CCDC7: variants seen among roughly 807,000 people sequenced by gnomAD.
CCDC7 encodes coiled-coil domain-containing protein 7.
In CCDC7, 183 loss-of-function variants were observed where a neutral mutation model predicts 196.9. That is an observed-to-expected ratio of 0.93 (90% CI 0.82 to 1.05). The LOEUF (loss-of-function observed/expected upper bound fraction) is 1.05, where lower values mean the gene tolerates loss of function less well. CCDC7 is among the 50% of genes least tolerant of loss of function. CCDC7 has a pLI of 0.00. For missense variants in CCDC7, 1,540 were observed against 1,482.2 expected (o/e 1.04, Z -0.64); for synonymous variants, 525 against 484.6 (o/e 1.08, Z -1.10).
At chr10:32,592,355 T>G (rs1445667889) in intron 18 of CCDC7, among the ~76,000 whole-genome samples, 1 of 152,048 alleles carries the variant, frequency 6.6e-6, no homozygotes, top group African/African-American at 2.4e-5. Context: ...GATCTTACCT[T>G]TATTAATTTT....
chr10:32,561,362 G>T (rs1441215317), intron 13 of CCDC7, among the ~76,000 whole-genome samples: 1 of 151,940 alleles, frequency 6.6e-6, no homozygotes, highest in Non-Finnish European at 1.5e-5. Context: ...TTTCAGCACC[G>T]CACCACACCT....
rs530908118 is a variant in CCDC7, at chr10:32,612,652, CT to C, written c.1802-21598del. Reference sequence around the variant, plus strand: ...AGTGGTGTTGAATTTTATTGAAGACCTTTTCTACATCTATTGAGATAATCGT... The same window carrying C: ...AGTGGTGTTGAATTTTATTGAAGACCTTTCTACATCTATTGAGATAATCGT... On this transcript the variant is annotated intron_variant, in intron 18 of 41. Coordinates refer to ENST00000639629, the Ensembl canonical transcript of CCDC7. 1.2e-3 allele frequency among the ~76,000 whole-genome samples: 177 copies of C among 152,100 alleles called. 1 individual carries two copies. Among genetic ancestry groups the C allele is most frequent in the African/African-American group, 4.0e-3 (167 of 41,490 alleles).
chr10:32,592,846 A>C (rs900565306), intron 18 of CCDC7, among the ~76,000 whole-genome samples: 1 of 152,146 alleles, frequency 6.6e-6, no homozygotes, highest in Non-Finnish European at 1.5e-5. Context: ...GATGGTTTCC[A>C]GCTTCATCCA....
At chr10:32,682,864 G>T (rs1368372578) in intron 21 of CCDC7, among the ~76,000 whole-genome samples, 1 of 152,044 alleles carries the variant, frequency 6.6e-6, no homozygotes, top group Admixed American at 6.6e-5. Flanking sequence ...TTGTTGATTA[G>T]TTTAAATTCC....
At chr10:32,542,392 G>A (rs1033332021) in intron 11 of CCDC7, among the ~76,000 whole-genome samples, 6 of 152,110 alleles carry the variant, frequency 3.9e-5, no homozygotes, top group African/African-American at 1.4e-4. Context: ...CAGCACTTTG[G>A]GAGGCCGAGG....
intron 41 of CCDC7, among the ~76,000 whole-genome samples, chr10:32,869,803 T>TA (rs1383257540): frequency 1.2e-5 from 1 of 81,742 alleles, no homozygotes; most frequent in African/African-American, 2.8e-5. Flanking sequence ...CACCATTTAT[T>TA]AAATAGGGAA....
At chr10:32,596,447 C>T (rs1564775875) in intron 18 of CCDC7, among the ~76,000 whole-genome samples, 1 of 152,020 alleles carries the variant, frequency 6.6e-6, no homozygotes, top group African/African-American at 2.4e-5. Flanking sequence ...TGAGATGGTT[C>T]TCCTGAATAC....
chr10:32,603,089 T>C (rs7093191), intron 18 of CCDC7, among the ~76,000 whole-genome samples: 38,633 of 151,982 alleles, frequency 0.25, 5,337 homozygotes, highest in South Asian at 0.37. Flanking sequence ...CATTAGCTAA[T>C]GTCGCTTCAT....
At chr10:32,489,119 G>A (rs1241782593) in intron 8 of CCDC7, among the ~76,000 whole-genome samples, 1 of 152,170 alleles carries the variant, frequency 6.6e-6, no homozygotes, top group African/African-American at 2.4e-5. Flanking sequence ...TGGTGGGTGT[G>A]CTTCTAGTGA....
At chr10:32,844,461 C>G (rs1055938338) in intron 33 of CCDC7, among the ~76,000 whole-genome samples, 3 of 151,846 alleles carry the variant, frequency 2.0e-5, no homozygotes, top group Non-Finnish European at 4.4e-5. Context: ...ATGAACAAAT[C>G]AAAGTACTTT....
At chr10:32,707,984 A>G (rs2080094908) in intron 24 of CCDC7, among the ~76,000 whole-genome samples, 1 of 152,180 alleles carries the variant, frequency 6.6e-6, no homozygotes. Flanking sequence ...TAAAGTTCAT[A>G]TGAAACCAAA....
intron 18 of CCDC7, among the ~76,000 whole-genome samples, chr10:32,622,289 T>C (rs997846414): frequency 8.5e-5 from 13 of 152,174 alleles, no homozygotes; most frequent in Admixed American, 7.2e-4. Flanking sequence ...TGTCTGGATT[T>C]TTTTTTCTCA....
chr10:32,880,517 T>G (rs933920273), downstream of CCDC7, among the ~76,000 whole-genome samples: 1 of 152,222 alleles, frequency 6.6e-6, no homozygotes, highest in Non-Finnish European at 1.5e-5. Context: ...GATAATAGTT[T>G]CTTTTGCTGT....
At chr10:32,470,959 A>C in intron 5 of CCDC7, 105 bp from the exon 7 acceptor site, 1 of 1,143,416 alleles carries the variant, frequency 8.7e-7, no homozygotes, top group South Asian at 2.0e-5. Context: ...AGATAAGAAA[A>C]ATATAAAAAT....
At chr10:32,770,180 T>C (rs2078956897) in intron 28 of CCDC7, among the ~76,000 whole-genome samples, 1 of 152,200 alleles carries the variant, frequency 6.6e-6, no homozygotes, top group Admixed American at 6.5e-5. Flanking sequence ...TTTGTTCTTG[T>C]GTTTCTAGAT....
intron 18 of CCDC7, among the ~76,000 whole-genome samples, chr10:32,612,779 T>C (rs1445040066): frequency 6.6e-6 from 1 of 152,114 alleles, no homozygotes. Flanking sequence ...TTGATCATGG[T>C]GGATAAGCTT....
intron 12 of CCDC7, among the ~76,000 whole-genome samples, 194 bp from the exon 14 acceptor site, chr10:32,544,053 T>G (rs1370350908): frequency 6.6e-6 from 1 of 152,012 alleles, no homozygotes; most frequent in African/African-American, 2.4e-5. Flanking sequence ...ATCATACCAG[T>G]GAGAAGTTAG....
intron 41 of CCDC7, among the ~76,000 whole-genome samples, chr10:32,871,241 T>C (rs549049313): frequency 6.6e-6 from 1 of 152,268 alleles, no homozygotes; most frequent in African/African-American, 2.4e-5. Context: ...GGACTTTTTT[T>C]GGTTGGTAAG....
At chr10:32,463,957 C>G (rs997316389) in intron 5 of CCDC7, among the ~76,000 whole-genome samples, 2 of 152,156 alleles carry the variant, frequency 1.3e-5, no homozygotes, top group Non-Finnish European at 2.9e-5. Context: ...TCTACTATTC[C>G]TCTACCCTCT....
Sources: gnomAD v4.1 joint callset for allele counts (sites outside exome capture counted in the v4.1 genomes callset) on GRCh38, gnomAD v4.1.1 for gene constraint, MANE v1.5 for transcripts, NCBI Gene and HGNC (gene_info 2026-07-23, HGNC 2026-07-21) for gene names.